The following STOX2 variants were observed in gnomAD, a reference collection of about 807,000 sequenced individuals.
STOX2 encodes the protein storkhead-box protein 2.
STOX2 carries 28 observed loss-of-function variants against 60.9 expected under a neutral mutation model. The ratio of observed to expected loss-of-function variants is 0.46; its 90% CI spans 0.34 to 0.63. The LOEUF is 0.63. STOX2 is among the 30% of genes least tolerant of loss of function. STOX2 has a pLI of 0.01. For missense variants in STOX2, 1,024 were observed against 1,187.7 expected (o/e 0.86, Z 2.03); for synonymous variants, 472 against 463.9 (o/e 1.02, Z -0.22).
At position 184,022,327 on chromosome 4, in the gene STOX2, A is replaced by G. The variant is rs1174844596; in HGVS notation, c.*5043A>G. 2 of 152,174 alleles carry G rather than the reference A, an allele frequency of 1.3e-5. No individual in the cohort carries two copies. Among genetic ancestry groups the G allele is most frequent in the African/African-American group, 2.4e-5 (1 of 41,430 alleles). The allele number at this position is 152,174 out of a possible 1,614,324, so 9.4% of individuals were successfully genotyped here. On this transcript the variant is annotated 3_prime_UTR_variant, in exon 4 of 4. Transcript: ENST00000308497. ...CCTTCCTATTGAGTTAATTCTCTGCATCTTTTGCAGCAGCAGCCCACAAGG... is the reference window on the plus strand; with the variant it reads ...CCTTCCTATTGAGTTAATTCTCTGCGTCTTTTGCAGCAGCAGCCCACAAGG...
At chr4:183,914,636 G>C (rs1486300886) in intron 1 of STOX2, among the ~76,000 whole-genome samples, 3 of 152,156 alleles carry the variant, frequency 2.0e-5, no homozygotes, top group Non-Finnish European at 4.4e-5. Flanking sequence ...TTGTGCGGCA[G>C]TGTTCGTTGT....
chr4:183,959,842 A>C (rs748899094), intron 1 of STOX2, among the ~76,000 whole-genome samples: 3 of 152,172 alleles, frequency 2.0e-5, no homozygotes, highest in Non-Finnish European at 2.9e-5. Flanking sequence ...TTTAGCGACA[A>C]ATTCCATCTG....
intron 1 of STOX2, among the ~76,000 whole-genome samples, chr4:183,863,327 G>A (rs1345704134): frequency 1.3e-5 from 2 of 152,234 alleles, no homozygotes; most frequent in African/African-American, 2.4e-5. Flanking sequence ...CTCAAGGAAT[G>A]CAAGTTCTGG....
chr4:183,965,284 T>C (rs1370897921), intron 1 of STOX2, among the ~76,000 whole-genome samples: 2 of 152,168 alleles, frequency 1.3e-5, no homozygotes, highest in Non-Finnish European at 2.9e-5. Context: ...CAAATTAGCT[T>C]TAATCCTTTA....
chr4:183,926,582 ACTTCAT>A (rs1742247246), intron 1 of STOX2, among the ~76,000 whole-genome samples: 3 of 152,054 alleles, frequency 2.0e-5, no homozygotes, highest in Admixed American at 2.0e-4. Context: ...AACCTTTAGT[ACTTCAT>A]CTTCCAATGT....
chr4:183,829,697 T>C (rs1468988389), intron 1 of STOX2, among the ~76,000 whole-genome samples: 1 of 152,164 alleles, frequency 6.6e-6, no homozygotes, highest in Non-Finnish European at 1.5e-5. Flanking sequence ...AGATAGTGAG[T>C]CAATACGTTC....
intron 1 of STOX2, among the ~76,000 whole-genome samples, chr4:183,799,600 C>T (rs1460263141): frequency 6.6e-6 from 1 of 152,106 alleles, no homozygotes; most frequent in Non-Finnish European, 1.5e-5. Flanking sequence ...CAACGTTCCG[C>T]TCCAAAAAGT....
chr4:183,803,526 A>T (rs1738815242), intron 1 of STOX2, among the ~76,000 whole-genome samples: 1 of 152,252 alleles, frequency 6.6e-6, no homozygotes, highest in Non-Finnish European at 1.5e-5. Context: ...AAGCCTTTTA[A>T]ATTGTAGATA....
chr4:184,005,726 G>T (rs2111235375), intron 2 of STOX2, among the ~76,000 whole-genome samples: 1 of 152,184 alleles, frequency 6.6e-6, no homozygotes, highest in East Asian at 1.9e-4. Flanking sequence ...ACAGATTTCT[G>T]GCAGAACCCT....
intron 1 of STOX2, among the ~76,000 whole-genome samples, chr4:183,811,104 G>A (rs986951796): frequency 5.3e-5 from 8 of 152,144 alleles, no homozygotes; most frequent in East Asian, 1.9e-4. Flanking sequence ...ATGGGCCTAC[G>A]AGAAGGTTCA....
chr4:183,862,452 C>T (rs1381090704), intron 1 of STOX2, among the ~76,000 whole-genome samples: 1 of 152,176 alleles, frequency 6.6e-6, no homozygotes, highest in East Asian at 1.9e-4. Flanking sequence ...GCTACTGTGC[C>T]CAGCCAATGT....
chr4:183,929,443 T>C (rs1252562290), intron 1 of STOX2, among the ~76,000 whole-genome samples: 1 of 152,208 alleles, frequency 6.6e-6, no homozygotes, highest in Non-Finnish European at 1.5e-5. Flanking sequence ...TATATGACAT[T>C]ACGTGTAGTA....
Position 184,010,055 on chromosome 4 carries a change from T to C in STOX2, c.1217T>C (p.Val406Ala), listed in dbSNP as rs772370778. 1.2e-6 allele frequency: 2 copies of C among 1,613,734 alleles called. No homozygotes were observed. Among genetic ancestry groups the C allele is most frequent in the East Asian group, 4.5e-5 (2 of 44,888 alleles). The change falls in exon 3 of 4, where the codon GTG becomes GCG. Residue 406 changes from valine (V) to alanine (A), a missense_variant. This residue lies in a region of STOX2 where 922 missense variants were observed against 1,058.3 expected (regional missense o/e 0.87). Coordinates refer to ENST00000308497, the MANE Select transcript of STOX2 (RefSeq NM_020225.3). The surrounding 1 kb of genome is among the most constrained non-coding windows in gnomAD (Gnocchi z 4.5). ...EYDFCDPLTRVPREGCFIIEH... is the reference protein window; with the variant it reads ...EYDFCDPLTRAPREGCFIIEH... ...GACTTTTGTGATCCTCTTACCAGGG[T>C]GCCCAGGGAGGGCTGCTTCATCATT... is the stretch of plus-strand genomic sequence containing the variant.
chr4:183,954,788 C>G (rs2309953), intron 1 of STOX2, among the ~76,000 whole-genome samples: 51,425 of 143,474 alleles, frequency 0.36, 8,935 homozygotes, highest in African/African-American at 0.49. Context: ...GCCCAGGCCG[C>G]AGTGCAGTGG....
At chr4:183,860,188 G>T (rs1047072149) in intron 1 of STOX2, among the ~76,000 whole-genome samples, 16 of 152,072 alleles carry the variant, frequency 1.1e-4, no homozygotes, top group African/African-American at 3.9e-4. Context: ...GGGAGATGAG[G>T]AATGATTTAA....
intron 1 of STOX2, among the ~76,000 whole-genome samples, chr4:183,917,213 C>T (rs893807537): frequency 6.6e-6 from 1 of 152,162 alleles, no homozygotes; most frequent in Non-Finnish European, 1.5e-5. Flanking sequence ...TAACCATATG[C>T]GTGGTTGATG....
chr4:183,975,814 C>T (rs917129771), intron 1 of STOX2, among the ~76,000 whole-genome samples: 3 of 152,168 alleles, frequency 2.0e-5, no homozygotes, highest in Non-Finnish European at 2.9e-5. Context: ...TTTCCCAACT[C>T]GTTTTGTGAA....
At chr4:183,944,658 G>A (rs1742838815) in intron 1 of STOX2, among the ~76,000 whole-genome samples, 1 of 152,188 alleles carries the variant, frequency 6.6e-6, no homozygotes, top group Admixed American at 6.5e-5. Flanking sequence ...AGGTTGCAGT[G>A]AGCCAAGATC....
chr4:183,892,238 T>C (rs1429226307), intron 1 of STOX2, among the ~76,000 whole-genome samples: 1 of 152,180 alleles, frequency 6.6e-6, no homozygotes, highest in Non-Finnish European at 1.5e-5. Context: ...CGGGAAACCC[T>C]GAGGCTGCAC....
Sources: allele counts gnomAD v4.1 joint callset (sites outside exome capture counted in the v4.1 genomes callset), GRCh38; gene constraint gnomAD v4.1.1; regional missense constraint gnomAD v4.1.1; non-coding constraint Gnocchi (gnomAD v3.1); transcripts MANE v1.5; gene names NCBI Gene and HGNC (gene_info 2026-07-23, HGNC 2026-07-21).